NKAIN3: variants seen among roughly 807,000 people sequenced by gnomAD.
NKAIN3 encodes the protein sodium/potassium transporting ATPase interacting 3, also known as sodium/potassium-transporting ATPase subunit beta-1-interacting protein 3.
A neutral mutation model predicts 30.2 loss-of-function variants in NKAIN3; 25 were observed. The ratio of observed to expected loss-of-function variants is 0.83; its 90% CI spans 0.60 to 1.16. The LOEUF (loss-of-function observed/expected upper bound fraction) is 1.16, where lower values mean the gene tolerates loss of function less well. NKAIN3 is among the 50% of genes most tolerant of loss of function. NKAIN3 has a pLI of 0.00. For missense variants in NKAIN3, 225 were observed against 254.1 expected (o/e 0.89, Z 0.78); for synonymous variants, 91 against 89.6 (o/e 1.02, Z -0.09).
chr8:62,460,865 A>C (rs779699062), intron 1 of NKAIN3, among the ~76,000 whole-genome samples: 3 of 152,226 alleles, frequency 2.0e-5, no homozygotes, highest in Non-Finnish European at 4.4e-5. Flanking sequence ...GTCTGCCTAG[A>C]TGGATGGATA....
chr8:62,959,902 ATGGG>A (rs1233202341), intron 6 of NKAIN3, among the ~76,000 whole-genome samples: 4 of 152,184 alleles, frequency 2.6e-5, no homozygotes, highest in Non-Finnish European at 5.9e-5. Context: ...CGAAGGAGAG[ATGGG>A]CTTCCTTGTG....
chr8:62,307,369 T>C lies in NKAIN3; in HGVS notation c.54+58242T>C, dbSNP rs147810143. Among the ~76,000 whole-genome samples, 220 of 149,720 alleles carry C rather than the reference T, an allele frequency of 1.5e-3. 19 individuals are homozygous for C. The highest frequency in any genetic ancestry group is 5.3e-3 in the African/African-American group (208 of 39,408). ...CTCCTTCTTTCCTCTCTCCCTCCTC[T>C]CTCTCTCCTTCTCTTTATCCCCTCC... On this transcript the variant is annotated intron_variant, in intron 1 of 6. Transcript: ENST00000623646.
At chr8:62,657,419 C>T (rs529382172) in intron 3 of NKAIN3, among the ~76,000 whole-genome samples, 2 of 152,252 alleles carry the variant, frequency 1.3e-5, no homozygotes, top group East Asian at 1.9e-4. Flanking sequence ...GTGCCCTTAG[C>T]CAATCTCAAG....
At chr8:62,468,827 A>T (rs1389855246) in intron 1 of NKAIN3, among the ~76,000 whole-genome samples, 1 of 152,140 alleles carries the variant, frequency 6.6e-6, no homozygotes, top group African/African-American at 2.4e-5. Context: ...CATCAGAATG[A>T]ATTTGTCATC....
At chr8:62,784,186 T>C (rs1817444009) in intron 4 of NKAIN3, among the ~76,000 whole-genome samples, 1 of 151,490 alleles carries the variant, frequency 6.6e-6, no homozygotes, top group African/African-American at 2.4e-5. Flanking sequence ...ATGAAAAAGG[T>C]TTTCAAACAA....
At chr8:62,294,377 G>A (rs749451231) in intron 1 of NKAIN3, among the ~76,000 whole-genome samples, 5 of 152,126 alleles carry the variant, frequency 3.3e-5, no homozygotes, top group Non-Finnish European at 7.3e-5. Context: ...GTAGGCACTC[G>A]AAAATATGTA....
At chr8:62,989,038 G>A (rs976195962), downstream of NKAIN3, among the ~76,000 whole-genome samples, 3 of 152,140 alleles carry the variant, frequency 2.0e-5, no homozygotes, top group Admixed American at 2.0e-4. Flanking sequence ...CTTTATTCCA[G>A]TTCCCAACAA....
intron 1 of NKAIN3, among the ~76,000 whole-genome samples, chr8:62,271,097 CT>C (rs766383806): frequency 2.0e-5 from 3 of 152,112 alleles, no homozygotes; most frequent in Non-Finnish European, 4.4e-5. Context: ...TCTTTACAGG[CT>C]GCTTTAGTTT....
At chr8:62,739,438 A>G (rs1211286564) in intron 3 of NKAIN3, among the ~76,000 whole-genome samples, 1 of 152,134 alleles carries the variant, frequency 6.6e-6, no homozygotes, top group Non-Finnish European at 1.5e-5. Flanking sequence ...TGTTTATTTT[A>G]CCAGAATTTA....
At chr8:62,907,932 G>C (rs1488579550) in intron 4 of NKAIN3, among the ~76,000 whole-genome samples, 2 of 152,282 alleles carry the variant, frequency 1.3e-5, no homozygotes, top group South Asian at 4.1e-4. Flanking sequence ...TGAGATGAGG[G>C]CCACTGTCCT....
chr8:62,671,970 A>G (rs1312393522), intron 3 of NKAIN3, among the ~76,000 whole-genome samples: 3 of 152,174 alleles, frequency 2.0e-5, no homozygotes, highest in South Asian at 2.1e-4. Context: ...CCGGAAACCA[A>G]TCACTGTAGC....
At chr8:62,428,772 G>A (rs964944660) in intron 1 of NKAIN3, among the ~76,000 whole-genome samples, 1 of 151,836 alleles carries the variant, frequency 6.6e-6, no homozygotes, top group East Asian at 1.9e-4. Context: ...CACCTCTTCT[G>A]TGGGTTTTCT....
chr8:62,839,204 T>C (rs1452051097), intron 4 of NKAIN3, among the ~76,000 whole-genome samples: 1 of 142,620 alleles, frequency 7.0e-6, no homozygotes, highest in Non-Finnish European at 1.6e-5. Flanking sequence ...CTTTTTCTTC[T>C]TTATTTACGC....
chr8:62,629,288 C>A (rs1382834804), intron 3 of NKAIN3, among the ~76,000 whole-genome samples: 1 of 152,076 alleles, frequency 6.6e-6, no homozygotes, highest in East Asian at 1.9e-4. Flanking sequence ...ATTTCCTTAT[C>A]TAATATACAC....
chr8:62,654,122 A>G (rs1464532505), intron 3 of NKAIN3, among the ~76,000 whole-genome samples: 1 of 152,072 alleles, frequency 6.6e-6, no homozygotes, highest in Non-Finnish European at 1.5e-5. Context: ...GAGAAATAAG[A>G]GAATATTTTG....
chr8:62,548,233 T>C (rs1158052344), intron 1 of NKAIN3, among the ~76,000 whole-genome samples: 1 of 152,182 alleles, frequency 6.6e-6, no homozygotes, highest in Non-Finnish European at 1.5e-5. Context: ...CTAGCTAGAG[T>C]TGAACTTTAA....
chr8:62,588,178 T>C (rs905480192), intron 2 of NKAIN3, among the ~76,000 whole-genome samples: 5 of 151,848 alleles, frequency 3.3e-5, no homozygotes, highest in Non-Finnish European at 5.9e-5. Context: ...ATGGAAGATA[T>C]CAAACACTAG....
At chr8:62,805,360 AAG>A (rs1418454202) in intron 4 of NKAIN3, among the ~76,000 whole-genome samples, 1 of 151,988 alleles carries the variant, frequency 6.6e-6, no homozygotes, top group East Asian at 1.9e-4. Flanking sequence ...CCTAAGCCAA[AAG>A]AACAAAGCTG....
intron 4 of NKAIN3, among the ~76,000 whole-genome samples, chr8:62,805,823 G>A (rs1473298276): frequency 6.6e-6 from 1 of 152,158 alleles, no homozygotes; most frequent in Non-Finnish European, 1.5e-5. Flanking sequence ...AAACTAAAGA[G>A]CTTCTGCACA....
Sources: gnomAD v4.1 joint callset for allele counts (sites outside exome capture counted in the v4.1 genomes callset) on GRCh38, gnomAD v4.1.1 for gene constraint, MANE v1.5 for transcripts, NCBI Gene and HGNC (gene_info 2026-07-23, HGNC 2026-07-21) for gene names.